The following PCNX3 variants were observed in gnomAD, a reference collection of about 807,000 sequenced individuals.
PCNX3 encodes pecanex 3.
In PCNX3, 58 loss-of-function variants were observed where a neutral mutation model predicts 207.2. That is an observed-to-expected ratio of 0.28 (90% CI 0.23 to 0.35). The LOEUF (loss-of-function observed/expected upper bound fraction) is 0.35, where lower values mean the gene tolerates loss of function less well. PCNX3 is among the 10% of genes least tolerant of loss of function. PCNX3 has a pLI of 1.00. For missense variants in PCNX3, 2,410 were observed against 2,774.4 expected (o/e 0.87, Z 2.95); for synonymous variants, 1,337 against 1,183.5 (o/e 1.13, Z -2.66).
At position 65,622,375 on chromosome 11, in the gene PCNX3, C is replaced by G. The variant is rs1855153772; in HGVS notation, c.2357+9C>G. On this transcript the variant is annotated intron_variant, in intron 11 of 34. Coordinates refer to ENST00000355703, the MANE Select transcript of PCNX3 (RefSeq NM_032223.4). ...CTGGCTCTGCTGGACCGGTGAGTGT[C>G]CCGCAGCCTTGGCCCCCAATTCTTG... 6.3e-7 allele frequency: 1 copy of G among 1,588,914 alleles called. No individual in the cohort carries two copies. The highest frequency in any genetic ancestry group is 1.3e-5 in the African/African-American group (1 of 74,306).
chr11:65,634,379 T>C (rs538559203), intron 28 of PCNX3, 23 bp downstream of exon 28: 15 of 1,555,034 alleles, frequency 9.6e-6, no homozygotes, highest in South Asian at 5.9e-5. Flanking sequence ...TACCTGAGGC[T>C]GCCACCTGGG....
In PCNX3 at chr11:65,626,895, T is replaced by G. The variant is rs1855420757; in HGVS notation, c.3380-9T>G. 1 of 1,581,050 alleles carries G rather than the reference T, an allele frequency of 6.3e-7. No homozygotes were observed. The highest frequency in any genetic ancestry group is 8.6e-7 in the Non-Finnish European group (1 of 1,163,752). On this transcript the variant is annotated splice_polypyrimidine_tract_variant and intron_variant, in intron 20 of 34. Coordinates refer to ENST00000355703, the MANE Select transcript of PCNX3 (RefSeq NM_032223.4). Reference sequence around the variant, plus strand: ...AAGCCAGGTGCAGAGTCCTGGCCTCTCCACACAGGTGCCGCCCAGGTGATG... The same window carrying G: ...AAGCCAGGTGCAGAGTCCTGGCCTCGCCACACAGGTGCCGCCCAGGTGATG...
In PCNX3 at chr11:65,618,542, C is replaced by T. The variant is rs369870770; in HGVS notation, c.1180C>T (p.Arg394Trp). Residue 394 changes from arginine to tryptophan, a missense_variant, in exon 6 of 35, where the codon CGG (arginine) becomes TGG (tryptophan). Physicochemically the swap from Arg to Trp is moderately radical, Grantham distance 101. Transcript: ENST00000355703. ...KDLALLRPSK[R>W]QPPLRRHSPP... ...CTTGGCCCTGCTACGGCCTAGCAAA[C>T]GGCAGCCACCCCTGCGAAGACACTC... 703 of 1,611,020 alleles carry T rather than the reference C, an allele frequency of 4.4e-4. 1 individual carries two copies. The highest frequency in any genetic ancestry group is 5.6e-4 in the Non-Finnish European group (657 of 1,178,998).
chr11:65,628,998 G>T, intron 24 of PCNX3, 50 bp downstream of exon 24: 1 of 1,597,724 alleles, frequency 6.3e-7, no homozygotes. Context: ...GGAAGGGAGA[G>T]GTTTGGAGCC....
Position 65,635,181 on chromosome 11 carries a change from A to G in PCNX3, c.4954-37A>G. 6.2e-7 allele frequency: 1 copy of G among 1,600,396 alleles called. No homozygotes were observed. The highest frequency in any genetic ancestry group is 8.5e-7 in the Non-Finnish European group (1 of 1,172,320). ...GGGGGATGAAGCCTCTCTCCAGGGC[A>G]GGGGCCACTGACCCCTGTTCCCGTC... On this transcript the variant is annotated intron_variant, in intron 30 of 34. Transcript: ENST00000355703. This position sits in a 1 kb window ranked among gnomAD's most constrained non-coding sequence, Gnocchi z 9.9.
chr11:65,623,538 T>C lies in PCNX3; in HGVS notation c.2405T>C (p.Leu802Pro). 6.2e-7 allele frequency: 1 copy of C among 1,613,878 alleles called. No homozygotes were observed. Residue 802 changes from leucine (L) to proline (P), a missense_variant, in exon 12 of 35, where the codon CTT becomes CCT. Around this residue, in one of 8 missense-constraint regions of PCNX3, gnomAD observed 177 missense variants for 257.5 expected, o/e 0.69. Transcript: ENST00000355703. ...ATCTTCGGCGTGGGCCTGAGCAGCC[T>C]TGTGGCCTTCCTGGGCTACCTGCTG... ...ENIFGVGLSS[L>P]VAFLGYLLLL...
In PCNX3 at chr11:65,629,425, C is replaced by T; in HGVS notation, c.4000+10C>T. On this transcript the variant is annotated intron_variant, in intron 25 of 34. Transcript: ENST00000355703. ...CTGGACAGGAACCCTGGTGTGTACC[C>T]AGCCATCCAAGGGGCTTTAGGGCAG... 6.2e-7 allele frequency: 1 copy of T among 1,611,806 alleles called. No homozygotes were observed. Among genetic ancestry groups the T allele is most frequent in the East Asian group, 2.2e-5 (1 of 44,814 alleles).
Position 65,617,859 on chromosome 11 carries a change from A to C in PCNX3, c.578-81A>C. 2.7e-6 allele frequency: 4 copies of C among 1,471,464 alleles called. 1 individual carries two copies. Among genetic ancestry groups the C allele is most frequent in the South Asian group, 2.6e-5 (2 of 76,752 alleles). 91.2% of individuals were successfully genotyped at this position (1,471,464 alleles called of 1,614,324 possible). A position where few individuals can be genotyped will look rare whatever the true frequency, so the allele number is the denominator to read the frequency against. On this transcript the variant is annotated intron_variant, in intron 5 of 34. Transcript: ENST00000355703. ...GTGGCTGGGCTCTCAGGGAAAGTAC[A>C]GGGCATAAGACCTCCCTTAACCACT... is the stretch of plus-strand genomic sequence containing the variant.
chr11:65,623,299 T>TA (rs35280303), intron 11 of PCNX3, among the ~76,000 whole-genome samples, 192 bp from the exon 12 acceptor site: 5,233 of 152,280 alleles, frequency 0.034, 295 homozygotes, highest in African/African-American at 0.12. Flanking sequence ...GAGAGAGCAA[T>TA]ACAATGGTCG....
chr11:65,623,469 C>G lies in PCNX3; in HGVS notation c.2358-22C>G, dbSNP rs374441462. Reference sequence around the variant, plus strand: ...GGAAGGTGAGGCAAGACGGGCACGCCCTGACTAGGCTGTCCCTGCAGGACG... The same window carrying G: ...GGAAGGTGAGGCAAGACGGGCACGCGCTGACTAGGCTGTCCCTGCAGGACG... On this transcript the variant is annotated intron_variant, in intron 11 of 34. Coordinates refer to ENST00000355703, the MANE Select transcript of PCNX3 (RefSeq NM_032223.4). The G allele has an allele frequency of 6.3e-6, 10 of 1,576,694 alleles. No individual in the cohort carries two copies. In the African/African-American group the frequency reaches 1.4e-4, roughly 21 times the overall value.
chr11:65,632,135 C>T (rs890581392), intron 27 of PCNX3, among the ~76,000 whole-genome samples: 1 of 152,118 alleles, frequency 6.6e-6, no homozygotes, highest in African/African-American at 2.4e-5. Context: ...GGTTGAGATG[C>T]ACCTGGCCAG....
chr11:65,635,830 T>C lies in PCNX3; in HGVS notation c.5459+27T>C. The C allele has an allele frequency of 1.9e-6, 3 of 1,588,680 alleles. No individual in the cohort carries two copies. The highest frequency in any genetic ancestry group is 2.6e-6 in the Non-Finnish European group (3 of 1,167,394). On this transcript the variant is annotated intron_variant, in intron 32 of 34. Coordinates refer to ENST00000355703, the MANE Select transcript of PCNX3 (RefSeq NM_032223.4). This position sits in a 1 kb window ranked among gnomAD's most constrained non-coding sequence, Gnocchi z 9.9. The stretch of plus-strand genomic sequence containing the variant: ...TGAGGCCTCGGGAAGGGGTGACGTG[T>C]GGCGCGGGAGGAAGCTGAGGTGCAG...
Position 65,618,338 on chromosome 11 carries a change from C to T in PCNX3, c.976C>T (p.Pro326Ser). 1 of 1,611,844 alleles carries T rather than the reference C, an allele frequency of 6.2e-7. No homozygotes were observed. The change falls in exon 6 of 35, where the codon CCC becomes TCC. Residue 326 changes from proline to serine, a missense_variant. Pro to Ser is a moderately conservative substitution (Grantham distance 74). Around this residue, in one of 8 missense-constraint regions of PCNX3, gnomAD observed 1,104 missense variants for 970.3 expected, o/e 1.14. Coordinates refer to ENST00000355703, the MANE Select transcript of PCNX3 (RefSeq NM_032223.4). ...EKTNSTHLDS[P>S]PGGPAPEGSD... The stretch of plus-strand genomic sequence containing the variant: ...GACCAACTCCACCCATCTGGACAGC[C>T]CCCCAGGGGGGCCAGCCCCTGAGGG...
chr11:65,636,235 AGTG>A lies in PCNX3; in HGVS notation c.5523_5525del (p.Ser1841_Gly1842delinsArg). 6.3e-7 allele frequency: 1 copy of A among 1,583,646 alleles called. No individual in the cohort carries two copies. Among genetic ancestry groups the A allele is most frequent in the East Asian group, 2.3e-5 (1 of 43,232 alleles). ...CGGGAACGTGGATGATTCAGACTGTAGTGGGGGCGGTGGCCTGACCTCCCTCAG... is the reference window on the plus strand; with the variant it reads ...CGGGAACGTGGATGATTCAGACTGTAGGGGCGGTGGCCTGACCTCCCTCAG... On this transcript the variant is annotated inframe_deletion, in exon 33 of 35. Transcript: ENST00000355703.
In PCNX3 at chr11:65,628,966, C is replaced by CG. The variant is rs758700018; in HGVS notation, c.3941+21dup. On this transcript the variant is annotated intron_variant, in intron 24 of 34. Coordinates refer to ENST00000355703, the MANE Select transcript of PCNX3 (RefSeq NM_032223.4). Reference sequence around the variant, plus strand: ...GACTACAAGTGAGTCTCACAGGAGGCGGGAGCATGCCCAGCAGGGCAGGAA... The same window carrying CG: ...GACTACAAGTGAGTCTCACAGGAGGCGGGGAGCATGCCCAGCAGGGCAGGAA... 8.1e-6 allele frequency: 13 copies of CG among 1,609,120 alleles called. No individual in the cohort carries two copies. Among genetic ancestry groups the CG allele is most frequent in the Non-Finnish European group, 1.1e-5 (13 of 1,179,488 alleles).
chr11:65,622,311 G>T lies in PCNX3; in HGVS notation c.2302G>T (p.Gly768Cys), dbSNP rs773639510. 4 of 1,597,130 alleles carry T rather than the reference G, an allele frequency of 2.5e-6. No individual in the cohort carries two copies. In the East Asian group the frequency reaches 9.1e-5, roughly 36 times the overall value. Residue 768 changes from glycine to cysteine, a missense_variant, in exon 11 of 35, where the codon GGC (glycine) becomes TGC (cysteine). This residue lies in a region of PCNX3 where 177 missense variants were observed against 257.5 expected (regional missense o/e 0.69). Transcript: ENST00000355703. ...QHSYKYWLLP[G>C]RWTSVRYERL... ...TAGTTACAAGTACTGGCTTCTCCCT[G>T]GCCGCTGGACCTCTGTGCGCTATGA...
Position 65,620,817 on chromosome 11 carries a change from T to C in PCNX3, c.2100-14T>C, listed in dbSNP as rs1157843617. 6.3e-7 allele frequency: 1 copy of C among 1,593,668 alleles called. No homozygotes were observed. Among genetic ancestry groups the C allele is most frequent in the African/African-American group, 1.3e-5 (1 of 74,300 alleles). ...TCGCCCGTGGGGGGATCCTGATGGC[T>C]GCTGTTCTCACAGGGACCGACACTC... is the stretch of plus-strand genomic sequence containing the variant. On this transcript the variant is annotated splice_polypyrimidine_tract_variant and intron_variant, in intron 9 of 34. Coordinates refer to ENST00000355703, the MANE Select transcript of PCNX3 (RefSeq NM_032223.4).
intron 27 of PCNX3, 81 bp downstream of exon 27, chr11:65,630,685 TG>T (rs1855583749): frequency 6.6e-7 from 1 of 1,516,114 alleles, no homozygotes; most frequent in East Asian, 2.3e-5. Flanking sequence ...ACCCCCTTTC[TG>T]GGTTGTTGGG....
rs759817107 is a variant in PCNX3, at chr11:65,629,659, C to T, written c.4140C>T (p.Tyr1380=). The change falls in exon 26 of 35, where the codon TAC becomes TAT. Residue 1380 remains tyrosine, a synonymous_variant. Coordinates refer to ENST00000355703, the MANE Select transcript of PCNX3 (RefSeq NM_032223.4). ...ACTGCTTCGTCCTGGCCTCTGACTA[C>T]CTCAACGCCCTGGTGCACCTCATCG... ...PGDCFVLASD[Y]LNALVHLIEV... is the part of the protein sequence containing the mutation. 6.3e-7 allele frequency: 1 copy of T among 1,584,906 alleles called. No individual in the cohort carries two copies. The highest frequency in any genetic ancestry group is 8.6e-7 in the Non-Finnish European group (1 of 1,165,682).
Sources: allele counts gnomAD v4.1 joint callset (sites outside exome capture counted in the v4.1 genomes callset), GRCh38; gene constraint gnomAD v4.1.1; regional missense constraint gnomAD v4.1.1; non-coding constraint Gnocchi (gnomAD v3.1); transcripts MANE v1.5; gene names NCBI Gene and HGNC (gene_info 2026-07-23, HGNC 2026-07-21).